Variants in FHIT observed in about 807,000 individuals in gnomAD.
The protein encoded by FHIT is fragile histidine triad diadenosine triphosphatase.
Under a neutral mutation model 17.9 loss-of-function variants are expected in FHIT, and 19 were observed. The observed-to-expected ratio is 1.06, with a 90% CI of 0.74 to 1.56. The LOEUF is 1.56. FHIT is among the 40% of genes most tolerant of loss of function. The pLI, the probability that FHIT is intolerant of heterozygous loss-of-function variation, is 0.00. For missense variants in FHIT, 248 were observed against 189.2 expected (o/e 1.31, Z -1.82); for synonymous variants, 81 against 69.7 (o/e 1.16, Z -0.81).
At chr3:61,159,313 T>C (rs1217740267) in intron 2 of FHIT, among the ~76,000 whole-genome samples, 1 of 152,200 alleles carries the variant, frequency 6.6e-6, no homozygotes, top group South Asian at 2.1e-4. Context: ...GTGCGTTTGA[T>C]ACAATCTGTA....
chr3:60,753,358 G>A (rs1290045116), intron 4 of FHIT, among the ~76,000 whole-genome samples: 1 of 152,178 alleles, frequency 6.6e-6, no homozygotes, highest in Non-Finnish European at 1.5e-5. Flanking sequence ...CAGCCCTCTG[G>A]CGGGTAACAG....
chr3:61,119,807 T>C (rs559004365), intron 2 of FHIT, among the ~76,000 whole-genome samples: 1 of 152,314 alleles, frequency 6.6e-6, no homozygotes, highest in South Asian at 2.1e-4. Context: ...ACTTACACCT[T>C]CAGTTCTCTG....
chr3:60,756,259 T>A (rs1162114644), intron 4 of FHIT, among the ~76,000 whole-genome samples: 1 of 152,168 alleles, frequency 6.6e-6, no homozygotes, highest in East Asian at 1.9e-4. Context: ...GATAAACTCA[T>A]TTGGTTTTTC....
rs149616379 is a variant in FHIT, at chr3:60,554,099, G to C, written c.-17-17120C>G. 2.0e-5 allele frequency among the ~76,000 whole-genome samples: 3 copies of C among 150,906 alleles called. No homozygotes were observed. The East Asian group carries it at 5.8e-4, about 29-fold the overall frequency. The stretch of plus-strand genomic sequence containing the variant: ...AAAGCAAGACTTCATCTCAAAAAAA[G>C]AAAAAAAACGTATCAGGGAAAGACA... On this transcript the variant is annotated intron_variant, in intron 4 of 9. Coordinates refer to ENST00000492590, the MANE Select transcript of FHIT (RefSeq NM_002012.4).
At chr3:60,549,945 A>G (rs536921402) in intron 4 of FHIT, among the ~76,000 whole-genome samples, 1 of 152,302 alleles carries the variant, frequency 6.6e-6, no homozygotes, top group African/African-American at 2.4e-5. Context: ...ATCTAGACCA[A>G]TCCTAGAAGG....
At chr3:60,825,180 C>T (rs986750789) in intron 3 of FHIT, among the ~76,000 whole-genome samples, 11 of 152,090 alleles carry the variant, frequency 7.2e-5, no homozygotes, top group South Asian at 2.1e-4. Context: ...ACATATGCCA[C>T]GGCATAGTAA....
intron 4 of FHIT, among the ~76,000 whole-genome samples, chr3:60,643,736 A>C (rs2039784775): frequency 6.6e-6 from 1 of 152,204 alleles, no homozygotes; most frequent in Non-Finnish European, 1.5e-5. Flanking sequence ...TCTATGATCA[A>C]GGGTAGTAGT....
At chr3:60,544,438 A>C (rs760991026) in intron 4 of FHIT, among the ~76,000 whole-genome samples, 1 of 152,092 alleles carries the variant, frequency 6.6e-6, no homozygotes, top group Non-Finnish European at 1.5e-5. Context: ...TAATGTGGCA[A>C]ACTACATTAG....
intron 5 of FHIT, among the ~76,000 whole-genome samples, chr3:60,353,000 G>A (rs1362305154): frequency 2.0e-5 from 3 of 152,078 alleles, no homozygotes; most frequent in Non-Finnish European, 4.4e-5. Context: ...CTCACTGGAT[G>A]GCATTCACTT....
At chr3:60,444,631 T>C (rs2031185647) in intron 5 of FHIT, among the ~76,000 whole-genome samples, 1 of 152,072 alleles carries the variant, frequency 6.6e-6, no homozygotes, top group South Asian at 2.1e-4. Flanking sequence ...CACTCATAGC[T>C]GGGAATTGAA....
At chr3:61,059,650 C>T (rs1575936159) in intron 2 of FHIT, among the ~76,000 whole-genome samples, 1 of 152,152 alleles carries the variant, frequency 6.6e-6, no homozygotes, top group East Asian at 1.9e-4. Context: ...TCAAAGAAAA[C>T]AACTGATGAT....
chr3:60,370,465 C>T (rs548226429), intron 5 of FHIT, among the ~76,000 whole-genome samples: 2 of 152,244 alleles, frequency 1.3e-5, no homozygotes, highest in African/African-American at 4.8e-5. Flanking sequence ...TTCAAGGTCG[C>T]GCCTCCTCAA....
At chr3:61,249,755 T>C (rs2040568452) in intron 1 of FHIT, among the ~76,000 whole-genome samples, 1 of 152,212 alleles carries the variant, frequency 6.6e-6, no homozygotes, top group South Asian at 2.1e-4. Flanking sequence ...AATCATGGGC[T>C]ATCTTCTCAA....
intron 5 of FHIT, among the ~76,000 whole-genome samples, chr3:60,365,211 T>C (rs915062393): frequency 2.7e-5 from 4 of 150,680 alleles, no homozygotes; most frequent in Non-Finnish European, 4.4e-5. Flanking sequence ...TTGGGATCTT[T>C]CTGGAAAATC....
chr3:60,573,172 G>T (rs1468580849), intron 4 of FHIT, among the ~76,000 whole-genome samples: 2 of 152,124 alleles, frequency 1.3e-5, no homozygotes, highest in African/African-American at 4.8e-5. Flanking sequence ...GAGCTCAGAA[G>T]TGGCAAGGCC....
chr3:61,128,412 A>G (rs2036671668), intron 2 of FHIT, among the ~76,000 whole-genome samples: 1 of 152,224 alleles, frequency 6.6e-6, no homozygotes, highest in African/African-American at 2.4e-5. Flanking sequence ...ATAACTTAGA[A>G]GATAATAGGG....
chr3:60,280,020 A>C (rs528807883), intron 5 of FHIT, among the ~76,000 whole-genome samples: 16 of 135,238 alleles, frequency 1.2e-4, no homozygotes, highest in Admixed American at 1.0e-3. Context: ...TGACAGAACG[A>C]GACTCTGTCT....
At chr3:60,208,637 A>G (rs1043034885) in intron 5 of FHIT, among the ~76,000 whole-genome samples, 2 of 152,192 alleles carry the variant, frequency 1.3e-5, no homozygotes, top group African/African-American at 4.8e-5. Context: ...CTAAGAAATA[A>G]TCCTCATTTC....
At chr3:60,541,306 G>C (rs1176489988) in intron 4 of FHIT, among the ~76,000 whole-genome samples, 2 of 152,164 alleles carry the variant, frequency 1.3e-5, no homozygotes, top group African/African-American at 2.4e-5. Flanking sequence ...TTTGGAGTTA[G>C]CTATTTTTCA....
Sources: allele counts gnomAD v4.1 joint callset (sites outside exome capture counted in the v4.1 genomes callset), GRCh38; gene constraint gnomAD v4.1.1; transcripts MANE v1.5; gene names NCBI Gene and HGNC (gene_info 2026-07-23, HGNC 2026-07-21).